Variants in ZNF737 observed in about 807,000 individuals in gnomAD.
ZNF737 encodes the protein zinc finger protein 102 (Y3).
Under a neutral mutation model 11.7 loss-of-function variants are expected in ZNF737, and 13 were observed. The ratio of observed to expected loss-of-function variants is 1.11; its 90% confidence interval spans 0.73 to 1.77. ZNF737 has a LOEUF of 1.77. Ranked by LOEUF, ZNF737 falls within the 40% of genes most tolerant of loss-of-function variation. The probability of loss-of-function intolerance (pLI) is 0.00; values close to 1 mark genes in which losing one functional copy is unlikely to be tolerated. For missense variants in ZNF737, 636 were observed against 638.0 expected, an observed-to-expected ratio of 1.00 and a Z score of 0.03; for synonymous variants, 217 against 216.2, an observed-to-expected ratio of 1.00 and a Z score of -0.03.
At chr19:20,559,391 A>G (rs1968998829) in intron 1 of ZNF737, among the ~76,000 whole-genome samples, 1 of 152,230 alleles carries the variant, frequency 6.6e-6, no homozygotes, top group South Asian at 2.1e-4. Context: ...CTGCTTTTCA[A>G]AAGAAAATAT....
intron 3 of ZNF737, among the ~76,000 whole-genome samples, chr19:20,546,285 T>C (rs1342278091): frequency 6.6e-6 from 1 of 152,194 alleles, no homozygotes; most frequent in African/African-American, 2.4e-5. Context: ...TCCAGTATAA[T>C]ATTGTGCCTT....
At position 20,544,059 on chromosome 19, in the gene ZNF737, C is replaced by T. The variant is rs551345790; in HGVS notation, c.*533G>A. 2.1e-4 allele frequency: 180 copies of T among 838,636 alleles called. No homozygotes were observed. The African/African-American group carries it at 3.1e-3, about 15-fold the overall frequency. 51.9% of individuals were successfully genotyped at this position (838,636 alleles called of 1,614,324 possible). A position where few individuals can be genotyped will look rare whatever the true frequency, so the allele number is the denominator to read the frequency against. On this transcript the variant is annotated 3_prime_UTR_variant, in exon 4 of 4. Coordinates refer to ENST00000427401, the MANE Select transcript of ZNF737 (RefSeq NM_001159293.2). ...AGGAGAATGGCTTAAACCCAGGAGG[C>T]AGAGGTTGCAGTGAGCCGAGATCAT...
downstream of ZNF737, among the ~76,000 whole-genome samples, chr19:20,531,476 G>GTTTTT (rs1967827733): frequency 2.0e-5 from 3 of 149,100 alleles, 1 homozygote; most frequent in Non-Finnish European, 4.5e-5. Flanking sequence ...GTTTTGTTTT[G>GTTTTT]AATCGAGTCT....
chr19:20,530,788 C>T, the ZNF737 span, among the ~76,000 whole-genome samples: 131 of 147,684 alleles, frequency 8.9e-4, 11 homozygotes, highest in African/African-American at 3.0e-3. Context: ...AGATGATGGG[C>T]GGCCAGGCAG....
At chr19:20,549,563 C>T (rs1968589833) in intron 3 of ZNF737, among the ~76,000 whole-genome samples, 1 of 151,090 alleles carries the variant, frequency 6.6e-6, no homozygotes, top group African/African-American at 2.4e-5. Flanking sequence ...CGGAGGGGTT[C>T]AAAACTTCAA....
chr19:20,558,940 TTC>T (rs1174620497), intron 1 of ZNF737, among the ~76,000 whole-genome samples: 1 of 152,174 alleles, frequency 6.6e-6, no homozygotes, highest in Non-Finnish European at 1.5e-5. Flanking sequence ...GTGGGAAGAA[TTC>T]TCTCTTTAAT....
chr19:20,560,110 G>A (rs570991663), intron 1 of ZNF737, among the ~76,000 whole-genome samples: 59 of 148,646 alleles, frequency 4.0e-4, no homozygotes, highest in African/African-American at 1.5e-3. Flanking sequence ...AGCTTGCAGT[G>A]AGCCGAGATT....
chr19:20,559,791 A>G (rs1381598510), intron 1 of ZNF737, among the ~76,000 whole-genome samples: 5 of 152,212 alleles, frequency 3.3e-5, no homozygotes, highest in African/African-American at 1.2e-4. Flanking sequence ...ACACATCCAC[A>G]TGCATGTTCA....
chr19:20,560,852 G>GT (rs1969064931), intron 1 of ZNF737, among the ~76,000 whole-genome samples: 1 of 152,120 alleles, frequency 6.6e-6, no homozygotes, highest in Non-Finnish European at 1.5e-5. Flanking sequence ...TTATTTATAA[G>GT]TAACAGCTAA....
Position 20,542,370 on chromosome 19 carries a change from A to C in ZNF737, c.*2222T>G, listed in dbSNP as rs1968245720. 1 of 320,574 alleles carries C rather than the reference A, an allele frequency of 3.1e-6. No individual in the cohort carries two copies. Among genetic ancestry groups the C allele is most frequent in the South Asian group, 1.2e-4 (1 of 8,048 alleles). The allele number at this position is 320,574 out of a possible 1,614,324, so 19.9% of individuals were successfully genotyped here. Reference sequence around the variant, plus strand: ...CAGCCTCCTGAGTAGCTGAGATTACAGGCATGCACCACCATGCCTGGCTAA... The same window carrying C: ...CAGCCTCCTGAGTAGCTGAGATTACCGGCATGCACCACCATGCCTGGCTAA... On this transcript the variant is annotated 3_prime_UTR_variant, in exon 4 of 4. Coordinates refer to ENST00000427401, the MANE Select transcript of ZNF737 (RefSeq NM_001159293.2).
At chr19:20,536,255 A>G (rs1555753810), downstream of ZNF737, 1 of 278,386 alleles carries the variant, frequency 3.6e-6, no homozygotes, top group Non-Finnish European at 5.4e-6. Context: ...AAGCTAGCAA[A>G]AGCACAGTAG....
At chr19:20,549,345 T>G (rs954413958) in intron 3 of ZNF737, among the ~76,000 whole-genome samples, 2 of 152,088 alleles carry the variant, frequency 1.3e-5, no homozygotes, top group African/African-American at 4.8e-5. Context: ...AAACCTACAC[T>G]GAGGCCAGAG....
Position 20,542,398 on chromosome 19 carries a change from T to G in ZNF737, c.*2194A>C, listed in dbSNP as rs925302472. 8 of 364,704 alleles carry G rather than the reference T, an allele frequency of 2.2e-5. No homozygotes were observed. Among genetic ancestry groups the G allele is most frequent in the South Asian group, 1.1e-4 (1 of 8,782 alleles). 22.6% of individuals were successfully genotyped at this position (364,704 alleles called of 1,614,324 possible). On this transcript the variant is annotated 3_prime_UTR_variant, in exon 4 of 4. Transcript: ENST00000427401. Reference sequence around the variant, plus strand: ...CATGCACCACCATGCCTGGCTAATTTTTTTTGTATTTTTAGTAGAGACTGG... The same window carrying G: ...CATGCACCACCATGCCTGGCTAATTGTTTTTGTATTTTTAGTAGAGACTGG...
chr19:20,565,774 GC>G lies in ZNF737; in HGVS notation c.-135del. On this transcript the variant is annotated 5_prime_UTR_variant, in exon 1 of 4. Transcript: ENST00000427401. ...GAAGACAAGACCTGGAGCTCCGGCT[GC>G]AGAGACAAAGGCCCCGCAAAACCCG... 5 of 1,467,946 alleles carry G rather than the reference GC, an allele frequency of 3.4e-6. No homozygotes were observed. The highest frequency in any genetic ancestry group is 4.8e-6 in the Non-Finnish European group (5 of 1,048,140). The allele number at this position is 1,467,946 out of a possible 1,614,324, so 90.9% of individuals were successfully genotyped here.
In ZNF737 at chr19:20,543,449, G is replaced by T. The variant is rs1025514581; in HGVS notation, c.*1143C>A. ...CTTGCTGAAAGTTTTGACAGTAATT[G>T]CCATTTTAATGCTTTTATTAAAAGG... is the stretch of plus-strand genomic sequence containing the variant. On this transcript the variant is annotated 3_prime_UTR_variant, in exon 4 of 4. Transcript: ENST00000427401. The T allele has an allele frequency of 1.0e-6, 1 of 985,456 alleles. No individual in the cohort carries two copies. Among genetic ancestry groups the T allele is most frequent in the African/African-American group, 1.7e-5 (1 of 57,234 alleles). The allele number at this position is 985,456 out of a possible 1,614,324, so 61.0% of individuals were successfully genotyped here.
downstream of ZNF737, among the ~76,000 whole-genome samples, chr19:20,537,348 C>T (rs1599391149): frequency 4.7e-5 from 7 of 149,728 alleles, no homozygotes; most frequent in Admixed American, 4.7e-4. Context: ...TTACAGGCAC[C>T]TGCAACCACA....
intron 3 of ZNF737, among the ~76,000 whole-genome samples, chr19:20,547,995 A>C (rs1658663166): frequency 6.6e-6 from 1 of 152,270 alleles, no homozygotes; most frequent in South Asian, 2.1e-4. Context: ...ATAAAAGATT[A>C]GCTTGGCGAT....
At position 20,541,657 on chromosome 19, in the gene ZNF737, C is replaced by A. The variant is rs1394651227; in HGVS notation, c.*2935G>T. Among the ~76,000 whole-genome samples the A allele has an allele frequency of 6.6e-6, 1 of 152,152 alleles. No individual in the cohort carries two copies. Among genetic ancestry groups the A allele is most frequent in the Non-Finnish European group, 1.5e-5 (1 of 68,020 alleles). On this transcript the variant is annotated 3_prime_UTR_variant, in exon 4 of 4. Transcript: ENST00000427401. ...GCCAGGCTGGCCTTGAACTCCTAAC[C>A]TCAAGCATTCCACCTGTCTCGGCCT...
At chr19:20,547,239 G>T (rs1181516823) in intron 3 of ZNF737, among the ~76,000 whole-genome samples, 1 of 151,894 alleles carries the variant, frequency 6.6e-6, no homozygotes, top group Admixed American at 6.6e-5. Context: ...AAATTAGCCG[G>T]GCATGGTAGC....
Sources: gnomAD v4.1 joint callset for allele counts (sites outside exome capture counted in the v4.1 genomes callset) on GRCh38, gnomAD v4.1.1 for gene constraint, MANE v1.5 for transcripts, NCBI Gene and HGNC (gene_info 2026-07-23, HGNC 2026-07-21) for gene names.